DNPEP: variants seen among roughly 807,000 people sequenced by gnomAD.
DNPEP encodes aspartyl aminopeptidase.
A neutral mutation model predicts 59.1 loss-of-function variants in DNPEP; 46 were observed. The ratio of observed to expected loss-of-function variants is 0.78; its 90% confidence interval spans 0.61 to 0.99. The LOEUF is 0.99. Ranked by LOEUF, DNPEP falls within the 50% of genes least tolerant of loss-of-function variation. The pLI, the probability that DNPEP is intolerant of heterozygous loss-of-function variation, is 0.00. For synonymous variants in DNPEP, 229 were observed against 242.2 expected (o/e 0.95, Z 0.50); for missense variants, 617 against 649.9 (o/e 0.95, Z 0.55).
exon 1 of DNPEP, chr2:219,399,998 C>A: frequency 8.1e-7 from 1 of 1,237,130 alleles, no homozygotes; most frequent in Non-Finnish European, 1.2e-6. Flanking sequence ...CCGGATCCTT[C>A]CCCTGCCTTG....
At chr2:219,394,224 T>C (rs139641866) in intron 1 of DNPEP, among the ~76,000 whole-genome samples, 3 of 152,248 alleles carry the variant, frequency 2.0e-5, no homozygotes, top group Middle Eastern at 6.8e-3. Context: ...ACTTTTCTTG[T>C]CAAGGTCAAA....
At chr2:219,374,678 T>C (rs1178092840) in intron 14 of DNPEP, among the ~76,000 whole-genome samples, 177 bp downstream of exon 14, 1 of 152,200 alleles carries the variant, frequency 6.6e-6, no homozygotes, top group Non-Finnish European at 1.5e-5. Context: ...GTTGTCATTA[T>C]AGCATGAGCC....
At chr2:219,397,310 C>CA (rs1179204571) in intron 1 of DNPEP, among the ~76,000 whole-genome samples, 1 of 146,004 alleles carries the variant, frequency 6.8e-6, no homozygotes, top group Admixed American at 7.2e-5. Context: ...GACTGGCAAA[C>CA]ACTACAAATC....
rs1319560002 is a variant in DNPEP, at chr2:219,386,386, TG to T, written c.358del (p.Gln120ArgfsTer25). On this transcript the variant is annotated frameshift_variant, in exon 5 of 15. Transcript: ENST00000273075. LOFTEE classifies it high-confidence loss of function. ...LRVKRRSRRS[Q>X]VGFQQVGVET... ...CACACCGACTTGCTGGAAGCCCACC[TG>T]GCTGCGGCGAGACCGACGTTTCACC... 3 of 1,614,204 alleles carry T rather than the reference TG, an allele frequency of 1.9e-6. No homozygotes were observed. The Admixed American group carries it at 5.0e-5, about 27-fold the overall frequency.
intron 1 of DNPEP, among the ~76,000 whole-genome samples, chr2:219,399,156 C>T (rs1290761222): frequency 6.6e-6 from 1 of 152,176 alleles, no homozygotes; most frequent in Admixed American, 6.5e-5. Flanking sequence ...AGTGTCTGCC[C>T]AGGTAGGCAT....
upstream of DNPEP, among the ~76,000 whole-genome samples, chr2:219,391,703 A>AT (rs1341779850): frequency 6.6e-6 from 1 of 152,132 alleles, no homozygotes; most frequent in Non-Finnish European, 1.5e-5. Flanking sequence ...TTGCTACTAA[A>AT]TGTGTGATCT....
At chr2:219,379,721 G>C (rs1056949975) in intron 13 of DNPEP, among the ~76,000 whole-genome samples, 9 of 151,966 alleles carry the variant, frequency 5.9e-5, no homozygotes, top group African/African-American at 2.2e-4. Flanking sequence ...AGGAGTTCGA[G>C]ACCAGCCTGA....
At chr2:219,390,924 G>A (rs1192737223), upstream of DNPEP, among the ~76,000 whole-genome samples, 2 of 152,158 alleles carry the variant, frequency 1.3e-5, no homozygotes, top group African/African-American at 4.8e-5. Context: ...ATCAAGTGTT[G>A]GAGAAGGCTT....
upstream of DNPEP, chr2:219,388,086 T>G: frequency 8.6e-6 from 2 of 232,404 alleles, no homozygotes; most frequent in Non-Finnish European, 5.8e-6. Flanking sequence ...CGCCCCTAGC[T>G]TGGCCGCACC....
chr2:219,385,713 G>C lies in DNPEP; in HGVS notation c.591-7C>G. 1 of 1,597,100 alleles carries C rather than the reference G, an allele frequency of 6.3e-7. No homozygotes were observed. The highest frequency in any genetic ancestry group is 8.5e-7 in the Non-Finnish European group (1 of 1,171,192). On this transcript the variant is annotated splice_polypyrimidine_tract_variant and splice_region_variant and intron_variant, in intron 6 of 14. Transcript: ENST00000273075. ...TGTGGCAAGAATGGGGACTCTGTGG[G>C]GAGACGTGGGTTGTGGGGGGATTGC...
At position 219,383,152 on chromosome 2, in the gene DNPEP, G is replaced by A. The variant is rs1193798297; in HGVS notation, c.915C>T (p.Val305=). The change falls in exon 10 of 15, where the codon GTC becomes GTT. Residue 305 remains valine, a synonymous_variant. Transcript: ENST00000273075. ...SLATEPHVRM[V]TLYDNEEVGS... The stretch of plus-strand genomic sequence containing the variant: ...GTACCTCTTCGTTGTCATAGAGTGT[G>A]ACCATGCGCACGTGAGGCTCTGTGG... 6.2e-6 allele frequency: 10 copies of A among 1,614,044 alleles called. No individual in the cohort carries two copies. In the African/African-American group the frequency reaches 1.3e-4, roughly 22 times the overall value.
chr2:219,399,865 C>T, intron 1 of DNPEP: 1 of 1,550,468 alleles, frequency 6.4e-7, no homozygotes, highest in Non-Finnish European at 8.7e-7. Flanking sequence ...GCCCCGGTTA[C>T]CTTGTGGTAG....
Position 219,374,204 on chromosome 2 carries a change from A to T in DNPEP, c.*88T>A, listed in dbSNP as rs973522848. On this transcript the variant is annotated 3_prime_UTR_variant, in exon 15 of 15. Transcript: ENST00000273075. ...GCGTAGCACGGAGAGTCTGAGTGAC[A>T]ATCCACTTTAATAATCCAGCTTCAG... The T allele has an allele frequency of 4.8e-6, 6 of 1,249,410 alleles. No individual in the cohort carries two copies. Among genetic ancestry groups the T allele is most frequent in the Admixed American group, 1.7e-5 (1 of 58,360 alleles). 77.4% of individuals were successfully genotyped at this position (1,249,410 alleles called of 1,614,324 possible).
At chr2:219,398,527 G>T (rs577989109) in intron 1 of DNPEP, among the ~76,000 whole-genome samples, 1 of 152,238 alleles carries the variant, frequency 6.6e-6, no homozygotes, top group East Asian at 1.9e-4. Flanking sequence ...GTACATGCCT[G>T]TAATCCTAGC....
At chr2:219,381,923 G>A in intron 11 of DNPEP, 56 bp downstream of exon 11, 2 of 1,596,406 alleles carry the variant, frequency 1.3e-6, no homozygotes, top group Non-Finnish European at 1.7e-6. Context: ...CTCAAGGCAG[G>A]TTATGCTTGG....
Position 219,385,952 on chromosome 2 carries a change from C to T in DNPEP, c.590+16G>A, listed in dbSNP as rs1340232793. On this transcript the variant is annotated intron_variant, in intron 6 of 14. Coordinates refer to ENST00000273075, the MANE Select transcript of DNPEP (RefSeq NM_012100.4). ...CTCCATCCCTCCCAGCCACCGCAGC[C>T]CTGCCCCAGTCTCACAGATGCATCT... 2 of 1,613,846 alleles carry T rather than the reference C, an allele frequency of 1.2e-6. No individual in the cohort carries two copies. Among genetic ancestry groups the T allele is most frequent in the Non-Finnish European group, 1.7e-6 (2 of 1,179,790 alleles).
At chr2:219,388,540 G>A, upstream of DNPEP, 1 of 229,390 alleles carries the variant, frequency 4.4e-6, no homozygotes, top group Non-Finnish European at 7.2e-6. Flanking sequence ...TGCGGGGGCT[G>A]CTCGTTAGGC....
At chr2:219,396,749 C>G (rs370736754) in intron 1 of DNPEP, among the ~76,000 whole-genome samples, 1 of 152,156 alleles carries the variant, frequency 6.6e-6, no homozygotes, top group Non-Finnish European at 1.5e-5. Context: ...TCAAACCCTA[C>G]GCACACACAT....
At chr2:219,379,861 T>G (rs1351493888) in intron 13 of DNPEP, among the ~76,000 whole-genome samples, 1 of 152,084 alleles carries the variant, frequency 6.6e-6, no homozygotes, top group Non-Finnish European at 1.5e-5. Context: ...GAGGTTGCAG[T>G]GAGCCGAGAT....
Sources: allele counts gnomAD v4.1 joint callset (sites outside exome capture counted in the v4.1 genomes callset), GRCh38; gene constraint gnomAD v4.1.1; transcripts MANE v1.5; gene names NCBI Gene and HGNC (gene_info 2026-07-23, HGNC 2026-07-21).